Variants in SGCD observed in about 807,000 individuals in gnomAD.
SGCD encodes the protein sarcoglycan delta, also known as delta-sarcoglycan.
SGCD carries 18 observed loss-of-function variants against 36.6 expected under a neutral mutation model. The observed-to-expected ratio is 0.49, with a 90% CI of 0.34 to 0.73. SGCD has a LOEUF of 0.73. SGCD is among the 30% of genes least tolerant of loss of function. The pLI, the probability that SGCD is intolerant of heterozygous loss-of-function variation, is 0.01. For synonymous variants in SGCD, 133 were observed against 130.6 expected (o/e 1.02, Z -0.12); for missense variants, 387 against 346.7 (o/e 1.12, Z -0.92).
intron 3 of SGCD, among the ~76,000 whole-genome samples, chr5:156,395,069 G>T (rs946088076): frequency 6.6e-6 from 1 of 152,220 alleles, no homozygotes; most frequent in Non-Finnish European, 1.5e-5. Context: ...AGGTAAGTGT[G>T]TGTGCATTGT....
At chr5:156,521,050 A>T (rs1268608881) in intron 4 of SGCD, among the ~76,000 whole-genome samples, 1 of 150,372 alleles carries the variant, frequency 6.7e-6, no homozygotes, top group African/African-American at 2.4e-5. Context: ...AAGACCACAC[A>T]TCTACAACCA....
chr5:156,135,308 A>G (rs1375993787), intron 3 of SGCD, among the ~76,000 whole-genome samples: 1 of 151,990 alleles, frequency 6.6e-6, no homozygotes, highest in Non-Finnish European at 1.5e-5. Flanking sequence ...CCTCCTACCC[A>G]CTATATCCAT....
chr5:156,579,322 T>G (rs1325163247), intron 4 of SGCD, among the ~76,000 whole-genome samples: 1 of 152,206 alleles, frequency 6.6e-6, no homozygotes, highest in African/African-American at 2.4e-5. Context: ...GAGGAATGCT[T>G]TATTTCCAAT....
At chr5:156,531,035 A>C (rs1396737556) in intron 4 of SGCD, among the ~76,000 whole-genome samples, 1 of 152,178 alleles carries the variant, frequency 6.6e-6, no homozygotes, top group African/African-American at 2.4e-5. Context: ...GACCTATGTG[A>C]TAGTATTAAG....
chr5:156,488,106 T>TG (rs1755778485), intron 3 of SGCD, among the ~76,000 whole-genome samples: 1 of 138,460 alleles, frequency 7.2e-6, no homozygotes, highest in East Asian at 2.1e-4. Flanking sequence ...AGGTTTTTTT[T>TG]TTTTTTTTTT....
chr5:156,548,857 C>A (rs759657719), intron 4 of SGCD, among the ~76,000 whole-genome samples: 2 of 152,148 alleles, frequency 1.3e-5, no homozygotes, highest in South Asian at 2.1e-4. Context: ...TCTGATCCTG[C>A]GGGAAGAGAT....
intron 3 of SGCD, among the ~76,000 whole-genome samples, chr5:156,246,920 G>A (rs544333383): frequency 5.9e-5 from 9 of 152,072 alleles, no homozygotes; most frequent in Non-Finnish European, 1.3e-4. Flanking sequence ...CCAGTACTAA[G>A]CATCTCAATG....
At chr5:156,676,520 T>G (rs977672731) in intron 7 of SGCD, among the ~76,000 whole-genome samples, 2 of 152,126 alleles carry the variant, frequency 1.3e-5, no homozygotes, top group Non-Finnish European at 2.9e-5. Flanking sequence ...AGGGGCTTTC[T>G]GGGGCGGCTC....
chr5:156,758,111 A>G (rs1757407829), intron 8 of SGCD: 1 of 628,768 alleles, frequency 1.6e-6, no homozygotes, highest in Non-Finnish European at 2.0e-6. Flanking sequence ...TTCACTGAAA[A>G]TGGGGAGGCA....
rs115854892 is a variant in SGCD, at chr5:156,186,618, C to T, written c.-44+62599C>T. 6.0e-3 allele frequency among the ~76,000 whole-genome samples: 910 copies of T among 152,308 alleles called. 12 individuals are homozygous for T. Among genetic ancestry groups the T allele is most frequent in the African/African-American group, 0.019 (775 of 41,572 alleles). On this transcript the variant is annotated intron_variant, in intron 3 of 9. Coordinates refer to the SGCD transcript ENST00000517913. ...TTAATGCTCTCTCTGCTTACATACA[C>T]GACTATATGCAACTATGAGTTTTTC...
At chr5:156,268,940 G>A (rs536460566) in intron 3 of SGCD, among the ~76,000 whole-genome samples, 23 of 151,512 alleles carry the variant, frequency 1.5e-4, no homozygotes, top group Admixed American at 2.6e-4. Context: ...TTTTTTTTTC[G>A]TATGTATATT....
At chr5:156,612,251 C>G (rs374990890) in intron 6 of SGCD, among the ~76,000 whole-genome samples, 2 of 152,026 alleles carry the variant, frequency 1.3e-5, no homozygotes, top group African/African-American at 4.8e-5. Context: ...TAGATGAGTC[C>G]TATGATGTTT....
the SGCD span, among the ~76,000 whole-genome samples, chr5:155,832,538 C>T: frequency 6.6e-6 from 1 of 152,130 alleles, no homozygotes; most frequent in Non-Finnish European, 1.5e-5. Context: ...TCTCTGTATA[C>T]CAAGCCCCAT....
chr5:156,447,264 C>T (rs1561701631), intron 3 of SGCD, among the ~76,000 whole-genome samples: 1 of 152,148 alleles, frequency 6.6e-6, no homozygotes, highest in African/African-American at 2.4e-5. Flanking sequence ...CAGATAGAAC[C>T]ATATAAAATT....
At chr5:155,836,474 C>A in the SGCD span, among the ~76,000 whole-genome samples, 189 of 116,378 alleles carry the variant, frequency 1.6e-3, no homozygotes, top group African/African-American at 6.4e-3. Context: ...ATACCCACCC[C>A]CGCCCCGCAC....
the SGCD span, among the ~76,000 whole-genome samples, chr5:155,857,222 G>A: frequency 1.2e-4 from 19 of 152,262 alleles, no homozygotes; most frequent in Admixed American, 7.2e-4. Flanking sequence ...GGGCGACAGC[G>A]CAAGACTCCA....
chr5:156,056,670 C>G (rs1255999361), intron 1 of SGCD, among the ~76,000 whole-genome samples: 1 of 87,902 alleles, frequency 1.1e-5, no homozygotes, highest in African/African-American at 8.5e-5. Context: ...AAAAAACAGT[C>G]TCCAAATTTT....
chr5:156,325,357 GC>G (rs1767779355), upstream of SGCD, among the ~76,000 whole-genome samples: 1 of 128,982 alleles, frequency 7.8e-6, no homozygotes, highest in African/African-American at 2.6e-5. Context: ...TTTGCATTTT[GC>G]TCCATTAAAA....
chr5:156,500,683 C>T (rs978270714), intron 3 of SGCD, among the ~76,000 whole-genome samples: 58 of 152,282 alleles, frequency 3.8e-4, no homozygotes, highest in African/African-American at 1.3e-3. Flanking sequence ...CATCTAACAA[C>T]GACCAACGTT....
Sources: gnomAD v4.1 joint callset for allele counts (sites outside exome capture counted in the v4.1 genomes callset) on GRCh38, gnomAD v4.1.1 for gene constraint, MANE v1.5 for transcripts, NCBI Gene and HGNC (gene_info 2026-07-23, HGNC 2026-07-21) for gene names.